The following TRHDE variants were observed in gnomAD, a reference collection of about 807,000 sequenced individuals.
TRHDE encodes the protein thyrotropin releasing hormone degrading enzyme.
A neutral mutation model predicts 125.7 loss-of-function variants in TRHDE; 72 were observed. The observed-to-expected ratio is 0.57, with a 90% CI of 0.47 to 0.70. The LOEUF is 0.70. Ranked by LOEUF, TRHDE falls within the 30% of genes least tolerant of loss-of-function variation. The pLI, the probability that TRHDE is intolerant of heterozygous loss-of-function variation, is 0.00. For missense variants in TRHDE, 1,110 were observed against 1,327.1 expected (o/e 0.84, Z 2.54); for synonymous variants, 509 against 509.1 (o/e 1.00, Z 0.00).
At chr12:72,568,424 CCTTA>C in intron 9 of TRHDE, 140 bp from the exon 10 acceptor site, 1 of 478,554 alleles carries the variant, frequency 2.1e-6, no homozygotes, top group Admixed American at 3.7e-5. Flanking sequence ...TTGACCTATG[CCTTA>C]CTTTTGTGAC....
chr12:72,543,138 A>G (rs916472404), intron 7 of TRHDE, among the ~76,000 whole-genome samples: 5 of 151,406 alleles, frequency 3.3e-5, no homozygotes, highest in South Asian at 2.1e-4. Flanking sequence ...AGAGCAATCA[A>G]TCTTATCTGT....
At chr12:72,091,086 CTGGT>C in intron 1 of TRHDE, among the ~76,000 whole-genome samples, 1 of 152,022 alleles carries the variant, frequency 6.6e-6, no homozygotes, top group Non-Finnish European at 1.5e-5. Flanking sequence ...GTTGCACAGG[CTGGT>C]GTCAAACTCC....
intron 3 of TRHDE, among the ~76,000 whole-genome samples, chr12:72,457,808 A>G (rs1019407076): frequency 2.0e-5 from 3 of 152,190 alleles, no homozygotes; most frequent in African/African-American, 7.2e-5. Context: ...TCATACTCAC[A>G]CTGTCTAAAG....
At chr12:72,277,104 T>A (rs551851256) in intron 1 of TRHDE, among the ~76,000 whole-genome samples, 1 of 152,258 alleles carries the variant, frequency 6.6e-6, no homozygotes, top group Admixed American at 6.5e-5. Context: ...TTTAATAGGG[T>A]CTATAACATG....
intron 2 of TRHDE, among the ~76,000 whole-genome samples, chr12:72,127,574 A>C (rs948764706): frequency 1.3e-5 from 2 of 152,166 alleles, no homozygotes; most frequent in Non-Finnish European, 2.9e-5. Context: ...TGAGCAAATT[A>C]ACACAGAAAC....
At chr12:72,165,385 C>T (rs1256446740) in intron 2 of TRHDE, among the ~76,000 whole-genome samples, 2 of 152,102 alleles carry the variant, frequency 1.3e-5, no homozygotes, top group Non-Finnish European at 2.9e-5. Flanking sequence ...AGAAAATACT[C>T]AGATCTTTCA....
chr12:72,399,256 T>C (rs10506655), intron 3 of TRHDE, among the ~76,000 whole-genome samples: 16,293 of 152,234 alleles, frequency 0.11, 1,139 homozygotes, highest in African/African-American at 0.18. Flanking sequence ...CTTTAAGTAT[T>C]ATCTGAAGGC....
intron 2 of TRHDE, among the ~76,000 whole-genome samples, chr12:72,108,197 T>G (rs1875233148): frequency 6.6e-6 from 1 of 152,056 alleles, no homozygotes; most frequent in Non-Finnish European, 1.5e-5. Flanking sequence ...AAAGTGATAT[T>G]GTTGATTGTA....
At chr12:72,207,653 A>G (rs1299416191) in intron 2 of TRHDE, among the ~76,000 whole-genome samples, 1 of 152,206 alleles carries the variant, frequency 6.6e-6, no homozygotes, top group African/African-American at 2.4e-5. Context: ...TGTGTTTGAC[A>G]TGATGGAACA....
chr12:72,253,727 G>A (rs763885135), intron 2 of TRHDE: 1 of 152,124 alleles, frequency 6.6e-6, no homozygotes, highest in Non-Finnish European at 1.5e-5. Context: ...TCCCTAACTT[G>A]CTGAGAGTTT....
intron 3 of TRHDE, among the ~76,000 whole-genome samples, chr12:72,455,057 C>T (rs1875776027): frequency 6.6e-6 from 1 of 151,950 alleles, no homozygotes; most frequent in Non-Finnish European, 1.5e-5. Flanking sequence ...GTCTAAGACC[C>T]AGTAATATAG....
chr12:72,285,609 C>T (rs1444819062), intron 1 of TRHDE, among the ~76,000 whole-genome samples: 4 of 150,922 alleles, frequency 2.7e-5, no homozygotes, highest in Non-Finnish European at 5.9e-5. Context: ...CAACCTCTGC[C>T]TCCCGAGTTC....
At chr12:72,270,614 G>T (rs929567597), upstream of TRHDE, among the ~76,000 whole-genome samples, 1 of 151,662 alleles carries the variant, frequency 6.6e-6, no homozygotes. Context: ...AGACATGAAA[G>T]AAACATGTAA....
In TRHDE at chr12:72,561,828, AG is replaced by A. The variant is rs527300562; in HGVS notation, c.1789-336del. Among the ~76,000 whole-genome samples, 152 of 152,254 alleles carry A rather than the reference AG, an allele frequency of 1.0e-3. 1 individual carries two copies. The highest frequency in any genetic ancestry group is 3.6e-3 in the African/African-American group (148 of 41,568). On this transcript the variant is annotated intron_variant, in intron 7 of 18. Transcript: ENST00000261180. Reference sequence around the variant, plus strand: ...CTTTAACGCAAAAGCCTGATGGGAAAGTTTCTCTAAATATTTCATTGAAGAG... The same window carrying A: ...CTTTAACGCAAAAGCCTGATGGGAAATTTCTCTAAATATTTCATTGAAGAG...
At chr12:72,513,607 G>A (rs1687265) in intron 6 of TRHDE, among the ~76,000 whole-genome samples, 82,559 of 151,850 alleles carry the variant, frequency 0.54, 26,501 homozygotes, top group South Asian at 0.72. Flanking sequence ...AAAGTAGAAT[G>A]TCTTTCAGCT....
intron 2 of TRHDE, among the ~76,000 whole-genome samples, chr12:72,135,840 C>G (rs1163482190): frequency 6.6e-6 from 1 of 152,024 alleles, no homozygotes; most frequent in Non-Finnish European, 1.5e-5. Context: ...ATGTGCTGCC[C>G]CTGTGGCATT....
intron 2 of TRHDE, among the ~76,000 whole-genome samples, chr12:72,180,987 C>T (rs1028816971): frequency 6.6e-6 from 1 of 152,122 alleles, no homozygotes; most frequent in African/African-American, 2.4e-5. Flanking sequence ...CTAAATAATC[C>T]AGAGTGCTAA....
chr12:72,660,347 G>T (rs1005686283), intron 18 of TRHDE, among the ~76,000 whole-genome samples: 3 of 152,152 alleles, frequency 2.0e-5, no homozygotes, highest in African/African-American at 7.2e-5. Flanking sequence ...ATGTCTGTGG[G>T]TAGGCCTGGA....
chr12:72,363,035 C>T (rs572172443), intron 2 of TRHDE, among the ~76,000 whole-genome samples: 1 of 151,992 alleles, frequency 6.6e-6, no homozygotes, highest in Non-Finnish European at 1.5e-5. Context: ...TTAGGATTGA[C>T]TTGGCGATGC....
Sources: gnomAD v4.1 joint callset for allele counts (sites outside exome capture counted in the v4.1 genomes callset) on GRCh38, gnomAD v4.1.1 for gene constraint, MANE v1.5 for transcripts, NCBI Gene and HGNC (gene_info 2026-07-23, HGNC 2026-07-21) for gene names.